PIK3C2G: variants seen among roughly 807,000 people sequenced by gnomAD.
PIK3C2G encodes the protein phosphatidylinositol 3-kinase C2 domain-containing subunit gamma.
In PIK3C2G, 168 loss-of-function variants were observed where a neutral mutation model predicts 181.1. That is an observed-to-expected ratio of 0.93 (90% CI 0.82 to 1.05). The LOEUF is 1.05. Ranked by LOEUF, PIK3C2G falls within the 50% of genes least tolerant of loss-of-function variation. The probability of loss-of-function intolerance (pLI) is 0.00; values close to 1 mark genes in which losing one functional copy is unlikely to be tolerated. For synonymous variants in PIK3C2G, 573 were observed against 592.2 expected (o/e 0.97, Z 0.47); for missense variants, 1,869 against 1,732.8 (o/e 1.08, Z -1.40).
chr12:18,380,363 T>A (rs2137955592), intron 13 of PIK3C2G, among the ~76,000 whole-genome samples: 1 of 152,304 alleles, frequency 6.6e-6, no homozygotes, highest in Non-Finnish European at 1.5e-5. Context: ...CTCTAAATGC[T>A]GTGGAGAACA....
chr12:18,723,419 G>T, the PIK3C2G span: 2 of 1,612,896 alleles, frequency 1.2e-6, no homozygotes, highest in East Asian at 2.2e-5. Context: ...CTTGCTAAAA[G>T]AATTTTCCGG....
the PIK3C2G span, among the ~76,000 whole-genome samples, chr12:18,714,229 C>T: frequency 6.6e-6 from 1 of 152,266 alleles, no homozygotes; most frequent in African/African-American, 2.4e-5. Context: ...AATTATTTCA[C>T]AGACACATAC....
At chr12:18,640,687 C>A (rs149343387) in intron 32 of PIK3C2G, 133 bp downstream of exon 32, 7 of 802,574 alleles carry the variant, frequency 8.7e-6, no homozygotes, top group Admixed American at 2.6e-5. Context: ...CCAAAGTAGT[C>A]GCAGTATGCT....
chr12:18,545,657 C>G (rs1944385353), intron 25 of PIK3C2G, among the ~76,000 whole-genome samples: 1 of 151,844 alleles, frequency 6.6e-6, no homozygotes, highest in Non-Finnish European at 1.5e-5. Context: ...ATATCTTATA[C>G]AATTCATCCT....
At chr12:18,581,731 G>A (rs1045770484) in intron 29 of PIK3C2G, among the ~76,000 whole-genome samples, 1 of 152,172 alleles carries the variant, frequency 6.6e-6, no homozygotes, top group Non-Finnish European at 1.5e-5. Context: ...GTTTAGGGGG[G>A]AAGTTAGGCT....
chr12:18,577,060 T>G (rs1480093266), intron 29 of PIK3C2G, among the ~76,000 whole-genome samples: 5 of 152,172 alleles, frequency 3.3e-5, no homozygotes, highest in Non-Finnish European at 7.3e-5. Context: ...GGCATCTGAT[T>G]TCTGGGACTG....
At chr12:18,377,278 C>T (rs1942516465) in intron 13 of PIK3C2G, among the ~76,000 whole-genome samples, 1 of 151,258 alleles carries the variant, frequency 6.6e-6, no homozygotes, top group Non-Finnish European at 1.5e-5. Context: ...CATCTGTTCT[C>T]CTGGTGTCAC....
chr12:18,419,540 A>G lies in PIK3C2G; in HGVS notation c.2316-1401A>G, dbSNP rs186874362. Among the ~76,000 whole-genome samples, 3 of 152,298 alleles carry G rather than the reference A, an allele frequency of 2.0e-5. No homozygotes were observed. In the East Asian group the frequency reaches 5.8e-4, roughly 29 times the overall value. On this transcript the variant is annotated intron_variant, in intron 16 of 32. Coordinates refer to ENST00000538779, the MANE Select transcript of PIK3C2G (RefSeq NM_001288772.2). ...CAAGCTGAACTGCTTCTAGCTTTGC[A>G]TTTTAATTGCACTCTTTCTGCCCTC...
At chr12:18,413,746 T>C (rs892812538) in intron 16 of PIK3C2G, among the ~76,000 whole-genome samples, 6 of 152,114 alleles carry the variant, frequency 3.9e-5, no homozygotes, top group African/African-American at 1.4e-4. Flanking sequence ...TGTCTCCTGG[T>C]ATGATATAAA....
upstream of PIK3C2G, among the ~76,000 whole-genome samples, chr12:18,258,108 AT>A (rs1948166422): frequency 6.6e-6 from 1 of 152,180 alleles, no homozygotes; most frequent in Non-Finnish European, 1.5e-5. Context: ...ACAGAAGAGC[AT>A]ATATTATTAA....
chr12:18,342,642 A>G (rs1006920099), intron 9 of PIK3C2G, among the ~76,000 whole-genome samples: 3 of 151,882 alleles, frequency 2.0e-5, no homozygotes, highest in Non-Finnish European at 4.4e-5. Context: ...AGTTTTCATG[A>G]TAGTTTAGTT....
At chr12:18,701,488 A>G in the PIK3C2G span, 1 of 1,614,062 alleles carries the variant, frequency 6.2e-7, no homozygotes, top group East Asian at 2.2e-5. Flanking sequence ...ATTTTCACAA[A>G]ACACCACCTC....
At chr12:18,392,157 T>C (rs780496168) in intron 15 of PIK3C2G, among the ~76,000 whole-genome samples, 1 of 152,090 alleles carries the variant, frequency 6.6e-6, no homozygotes, top group East Asian at 1.9e-4. Flanking sequence ...AGTGGCTAGA[T>C]TTGGGAGACA....
chr12:18,493,022 G>T (rs1032976897), intron 20 of PIK3C2G: 1 of 152,298 alleles, frequency 6.6e-6, no homozygotes, highest in Non-Finnish European at 1.5e-5. Context: ...GACATGGCCA[G>T]GTGACACCAT....
intron 18 of PIK3C2G, among the ~76,000 whole-genome samples, chr12:18,434,363 A>G (rs1946331478): frequency 6.6e-6 from 1 of 152,172 alleles, no homozygotes; most frequent in East Asian, 1.9e-4. Context: ...TGAAACCATT[A>G]CATCCCCTAA....
At chr12:18,421,190 T>C (rs575061769) in intron 17 of PIK3C2G, among the ~76,000 whole-genome samples, 156 bp downstream of exon 17, 1 of 152,040 alleles carries the variant, frequency 6.6e-6, no homozygotes, top group Non-Finnish European at 1.5e-5. Context: ...AGACATTCTC[T>C]AGCTGAAATT....
At chr12:18,691,178 G>T in the PIK3C2G span, among the ~76,000 whole-genome samples, 1 of 152,138 alleles carries the variant, frequency 6.6e-6, no homozygotes, top group South Asian at 2.1e-4. Context: ...CTGGATGTGG[G>T]ATGTGAAGGA....
intron 13 of PIK3C2G, among the ~76,000 whole-genome samples, chr12:18,374,659 G>A (rs573950901): frequency 6.6e-6 from 1 of 152,228 alleles, no homozygotes; most frequent in African/African-American, 2.4e-5. Flanking sequence ...CCTACAAGAG[G>A]GATATAATTT....
chr12:18,383,225 A>G (rs1426621903), intron 14 of PIK3C2G, among the ~76,000 whole-genome samples: 2 of 152,224 alleles, frequency 1.3e-5, no homozygotes, highest in African/African-American at 4.8e-5. Context: ...TGTTTTACAT[A>G]TGACTACTAT....
Sources: allele counts gnomAD v4.1 joint callset (sites outside exome capture counted in the v4.1 genomes callset), GRCh38; gene constraint gnomAD v4.1.1; transcripts MANE v1.5; gene names NCBI Gene and HGNC (gene_info 2026-07-23, HGNC 2026-07-21).